JMJD1C: variants seen among roughly 807,000 people sequenced by gnomAD.
The protein encoded by JMJD1C is jumonji domain-containing protein 1C.
In JMJD1C, 31 loss-of-function variants were observed where a neutral mutation model predicts 245.3. That is an observed-to-expected ratio of 0.13 (90% CI 0.09 to 0.17). The LOEUF (loss-of-function observed/expected upper bound fraction) is 0.17. Ranked by LOEUF, JMJD1C falls within the 10% of genes least tolerant of loss-of-function variation. The pLI is 1.00. For missense variants in JMJD1C, 2,691 were observed against 3,000.2 expected, an observed-to-expected ratio of 0.90 and a Z score of 2.41; for synonymous variants, 1,057 against 1,017.4, an observed-to-expected ratio of 1.04 and a Z score of -0.74.
In JMJD1C at chr10:63,513,698, G is replaced by C. The variant is rs538864269; in HGVS notation, n.113+8040C>G. Among the ~76,000 whole-genome samples, 31 of 152,220 alleles carry C rather than the reference G, an allele frequency of 2.0e-4. No homozygotes were observed. The South Asian group carries it at 6.4e-3, about 32-fold the overall frequency. ...GAGGCCGAGACAGGCGGATCATGAGGTCAGGAGATCGAGACCATCCTGGCT... is the reference window on the plus strand; with the variant it reads ...GAGGCCGAGACAGGCGGATCATGAGCTCAGGAGATCGAGACCATCCTGGCT... On this transcript the variant is annotated intron_variant and non_coding_transcript_variant, in intron 1 of 3. Transcript: ENST00000633035.
intron 2 of JMJD1C, among the ~76,000 whole-genome samples, chr10:63,335,505 C>T (rs570588770): frequency 1.3e-5 from 2 of 152,118 alleles, no homozygotes; most frequent in African/African-American, 4.8e-5. Flanking sequence ...TCTGAACCAT[C>T]ATACTTGTTT....
At chr10:63,316,947 C>T (rs1416945257) in intron 2 of JMJD1C, among the ~76,000 whole-genome samples, 1 of 152,172 alleles carries the variant, frequency 6.6e-6, no homozygotes, top group Non-Finnish European at 1.5e-5. Flanking sequence ...GCAACATCCA[C>T]CCCCTGGGTT....
intron 1 of JMJD1C, among the ~76,000 whole-genome samples, chr10:63,398,036 T>C (rs1231342162): frequency 6.6e-6 from 1 of 152,230 alleles, no homozygotes; most frequent in Non-Finnish European, 1.5e-5. Context: ...TTCCAGGTAC[T>C]CATCATCCAG....
Position 63,465,752 on chromosome 10 carries a change from C to G in JMJD1C, c.-90G>C, listed in dbSNP as rs746251493. The stretch of plus-strand genomic sequence containing the variant: ...TACCGGCCGCTCATGCTGAGGAGAG[C>G]GGACCGGGACACAGCAGCGGACCCG... On this transcript the variant is annotated 5_prime_UTR_variant, in exon 1 of 26. Coordinates refer to ENST00000399262, the MANE Select transcript of JMJD1C (RefSeq NM_032776.3). The G allele has an allele frequency of 3.4e-6, 5 of 1,450,366 alleles. No homozygotes were observed. In the South Asian group the frequency reaches 3.5e-5, roughly 10 times the overall value. 89.8% of individuals were successfully genotyped at this position (1,450,366 alleles called of 1,614,324 possible).
intron 2 of JMJD1C, among the ~76,000 whole-genome samples, chr10:63,377,042 T>C (rs979657766): frequency 1.8e-4 from 27 of 152,078 alleles, no homozygotes; most frequent in South Asian, 2.1e-4. Flanking sequence ...AATGGGCAAA[T>C]GGATGAAAAG....
chr10:63,449,022 C>T (rs986641116), intron 1 of JMJD1C, among the ~76,000 whole-genome samples: 4 of 151,986 alleles, frequency 2.6e-5, no homozygotes, highest in East Asian at 3.9e-4. Flanking sequence ...GAGGCTGAGA[C>T]GGGAGAATCA....
In JMJD1C at chr10:63,213,885, G is replaced by A; in HGVS notation, c.2282C>T (p.Ala761Val). ...AGATGATCCGGCTAGTAAATGGGGT[G>A]CAGGAGTTAAGGCAGGATGATGGGT... ...PGTHHPALTP[A>V]PHLLAGSSSQ... Residue 761 changes from alanine (A) to valine (V), a missense_variant, in exon 8 of 26, where the codon GCA becomes GTA. Ala to Val is a moderately conservative substitution (Grantham distance 64). This residue lies in a region of JMJD1C where 1,562 missense variants were observed against 1,490.7 expected (regional missense o/e 1.05). Coordinates refer to ENST00000399262, the MANE Select transcript of JMJD1C (RefSeq NM_032776.3). The A allele has an allele frequency of 6.2e-7, 1 of 1,614,174 alleles. No homozygotes were observed. Among genetic ancestry groups the A allele is most frequent in the South Asian group, 1.1e-5 (1 of 91,084 alleles).
intron 1 of JMJD1C, among the ~76,000 whole-genome samples, chr10:63,397,477 T>C (rs34156747): frequency 0.028 from 4,235 of 152,214 alleles, 87 homozygotes; most frequent in Middle Eastern, 0.044. Flanking sequence ...CCTCCCAAAG[T>C]GTTGGGATTA....
At chr10:63,467,626 G>A (rs967742643), upstream of JMJD1C, among the ~76,000 whole-genome samples, 2 of 152,234 alleles carry the variant, frequency 1.3e-5, no homozygotes, top group Admixed American at 6.5e-5. Context: ...TTATTTCCAA[G>A]TCCACTTTTT....
intron 1 of JMJD1C, among the ~76,000 whole-genome samples, chr10:63,424,523 T>C (rs1417016312): frequency 3.3e-5 from 5 of 149,374 alleles, no homozygotes; most frequent in African/African-American, 1.2e-4. Flanking sequence ...TTTTTTCTTT[T>C]TGAGACCGGG....
chr10:63,286,001 A>G (rs1421987331), intron 2 of JMJD1C, among the ~76,000 whole-genome samples: 1 of 143,706 alleles, frequency 7.0e-6, no homozygotes, highest in Non-Finnish European at 1.5e-5. Context: ...GTAATTAACA[A>G]TGCATATTCC....
intron 1 of JMJD1C, among the ~76,000 whole-genome samples, chr10:63,473,187 A>C (rs1953548891): frequency 6.6e-6 from 1 of 152,222 alleles, no homozygotes; most frequent in Non-Finnish European, 1.5e-5. Flanking sequence ...AAAAACATTA[A>C]GTAGGACAAG....
intron 1 of JMJD1C, among the ~76,000 whole-genome samples, chr10:63,516,685 A>G (rs1955026909): frequency 6.6e-6 from 1 of 152,226 alleles, no homozygotes; most frequent in Non-Finnish European, 1.5e-5. Flanking sequence ...GGAAATGTGT[A>G]AGAATCTCAG....
At chr10:63,256,021 G>T (rs1853868807) in intron 3 of JMJD1C, among the ~76,000 whole-genome samples, 1 of 152,114 alleles carries the variant, frequency 6.6e-6, no homozygotes, top group Non-Finnish European at 1.5e-5. Context: ...TGATGGCTTA[G>T]AGTCTACAAG....
At chr10:63,247,029 C>A (rs1406630361) in intron 3 of JMJD1C, among the ~76,000 whole-genome samples, 7 of 132,948 alleles carry the variant, frequency 5.3e-5, no homozygotes, top group Non-Finnish European at 8.4e-5. Flanking sequence ...CAAGGAACTA[C>A]AAAAGAACAA....
intron 2 of JMJD1C, among the ~76,000 whole-genome samples, chr10:63,284,509 C>G (rs1424206935): frequency 1.3e-5 from 2 of 152,184 alleles, no homozygotes; most frequent in Admixed American, 6.5e-5. Flanking sequence ...CCAGCAGCAT[C>G]TGCAGAAACA....
At chr10:63,412,707 T>C (rs1276467483) in intron 1 of JMJD1C, among the ~76,000 whole-genome samples, 1 of 152,220 alleles carries the variant, frequency 6.6e-6, no homozygotes, top group Admixed American at 6.5e-5. Flanking sequence ...TTTTAACTTT[T>C]TAAATAGATT....
At chr10:63,384,229 T>C (rs1006267923) in intron 1 of JMJD1C, among the ~76,000 whole-genome samples, 1 of 152,146 alleles carries the variant, frequency 6.6e-6, no homozygotes, top group Admixed American at 6.6e-5. Flanking sequence ...GACTTCCCCC[T>C]TGAAAGTCTT....
At chr10:63,418,037 A>G (rs945457974) in intron 1 of JMJD1C, among the ~76,000 whole-genome samples, 1 of 152,218 alleles carries the variant, frequency 6.6e-6, no homozygotes, top group African/African-American at 2.4e-5. Context: ...TATTCTCATC[A>G]TAGAAAGATA....
Sources: gnomAD v4.1 joint callset for allele counts (sites outside exome capture counted in the v4.1 genomes callset) on GRCh38, gnomAD v4.1.1 for gene constraint, gnomAD v4.1.1 regional missense constraint, MANE v1.5 for transcripts, NCBI Gene and HGNC (gene_info 2026-07-23, HGNC 2026-07-21) for gene names.